Variants in MRAP observed in about 807,000 individuals in gnomAD.
The protein encoded by MRAP is melanocortin 2 receptor accessory protein.
In MRAP, 8 loss-of-function variants were observed where a neutral mutation model predicts 8.7. The ratio of observed to expected loss-of-function variants is 0.92; its 90% CI spans 0.54 to 1.66. The LOEUF (loss-of-function observed/expected upper bound fraction) is 1.66, where lower values mean the gene tolerates loss of function less well. MRAP is among the 40% of genes most tolerant of loss of function. The probability of loss-of-function intolerance (pLI) is 0.00; values close to 1 mark genes in which losing one functional copy is unlikely to be tolerated. For synonymous variants in MRAP, 95 were observed against 95.5 expected (o/e 1.00, Z 0.03); for missense variants, 237 against 217.1 (o/e 1.09, Z -0.58).
chr21:32,300,049 A>G (rs920697203), intron 1 of MRAP, among the ~76,000 whole-genome samples: 1 of 152,204 alleles, frequency 6.6e-6, no homozygotes, highest in South Asian at 2.1e-4. Context: ...CCTATCCCGT[A>G]GGAAGTCTTA....
intron 1 of MRAP, among the ~76,000 whole-genome samples, chr21:32,303,866 G>T (rs2032342004): frequency 6.6e-6 from 1 of 152,158 alleles, no homozygotes; most frequent in African/African-American, 2.4e-5. Flanking sequence ...TGATGAAGGA[G>T]ATTTTAGTAA....
rs537256375 is a variant in MRAP at position 32,300,391 on chromosome 21, G to A, written c.106+1314G>A. On this transcript the variant is annotated intron_variant, in intron 1 of 2. Transcript: ENST00000303645. ...ACACATCCTATGTCAGGGGCGTCAC[G>A]CATCCTATGTCGGATGCATCACGCG... Among the ~76,000 whole-genome samples the A allele has an allele frequency of 9.4e-4, 140 of 148,874 alleles. 1 individual carries two copies. Among genetic ancestry groups the A allele is most frequent in the Middle Eastern group, 3.9e-3 (1 of 258 alleles).
intron 1 of MRAP, among the ~76,000 whole-genome samples, chr21:32,304,962 GTTGTTTTTTT>G (rs1400672317): frequency 5.0e-5 from 5 of 100,356 alleles, no homozygotes; most frequent in Non-Finnish European, 7.9e-5. Flanking sequence ...TGTTTTTTTT[GTTGTTTTTTT>G]TTTTTTTTTT....
chr21:32,311,687 C>A lies in MRAP; in HGVS notation c.210C>A (p.Asn70Lys), dbSNP rs2032576452. ...MSWSASPQMR[N>K]SPKHHQTCPW... is the part of the protein sequence containing the mutation. ...TCCCACTCTGCTCTGTTCACAGGAA[C>A]AGCCCCAAGCACCACCAAACATGCC... Residue 70 changes from asparagine to lysine, a missense_variant, in exon 3 of 3, where the codon AAC (asparagine) becomes AAA (lysine). Transcript: ENST00000303645. 1.9e-6 allele frequency: 3 copies of A among 1,613,800 alleles called. No homozygotes were observed. Among genetic ancestry groups the A allele is most frequent in the Admixed American group, 3.3e-5 (2 of 59,980 alleles).
chr21:32,311,181 T>C (rs1337842218), intron 2 of MRAP: 2 of 159,200 alleles, frequency 1.3e-5, no homozygotes, highest in African/African-American at 4.8e-5. Context: ...TCAGATCTCA[T>C]GAGACTTACT....
chr21:32,304,965 G>GTTTTTTTTTTTTTTT (rs537525538), intron 1 of MRAP, among the ~76,000 whole-genome samples: 11 of 78,096 alleles, frequency 1.4e-4, no homozygotes, highest in African/African-American at 3.3e-4. Context: ...TTTTTTTGTT[G>GTTTTTTTTTTTTTTT]TTTTTTTTTT....
At chr21:32,302,979 C>CTTTTT (rs57692462) in intron 1 of MRAP, among the ~76,000 whole-genome samples, 1,351 of 124,204 alleles carry the variant, frequency 0.011, 71 homozygotes, top group African/African-American at 0.037. Context: ...CCCCAATTCC[C>CTTTTT]TTTTTTTTTT....
At chr21:32,292,502 G>C (rs943383419) in intron 1 of MRAP, among the ~76,000 whole-genome samples, 5 of 152,102 alleles carry the variant, frequency 3.3e-5, no homozygotes, top group African/African-American at 4.8e-5. Context: ...TGTCGTCCAG[G>C]TTGGAATACA....
At chr21:32,300,972 TATC>T (rs57108449) in intron 1 of MRAP, among the ~76,000 whole-genome samples, 13,109 of 148,778 alleles carry the variant, frequency 0.088, 767 homozygotes, top group African/African-American at 0.18. Flanking sequence ...TTCAAAGATG[TATC>T]ATATTTCATA....
chr21:32,301,024 TCA>T (rs1444393181), intron 1 of MRAP, among the ~76,000 whole-genome samples: 1 of 149,294 alleles, frequency 6.7e-6, no homozygotes, highest in Non-Finnish European at 1.5e-5. Context: ...CGCATATGTA[TCA>T]GATATATCAA....
At chr21:32,309,053 C>A (rs1250697178) in intron 2 of MRAP, among the ~76,000 whole-genome samples, 1 of 152,148 alleles carries the variant, frequency 6.6e-6, no homozygotes, top group Non-Finnish European at 1.5e-5. Flanking sequence ...TAACAGAATA[C>A]CTGAGGCTGA....
upstream of MRAP, among the ~76,000 whole-genome samples, chr21:32,298,279 A>T (rs1476652163): frequency 1.3e-5 from 2 of 152,094 alleles, no homozygotes; most frequent in Admixed American, 6.6e-5. Context: ...GTCAGAGATA[A>T]ACAGCCTTTT....
chr21:32,303,839 T>C (rs1481353929), intron 1 of MRAP, among the ~76,000 whole-genome samples: 1 of 152,240 alleles, frequency 6.6e-6, no homozygotes, highest in Non-Finnish European at 1.5e-5. Flanking sequence ...TCTTGCCTAT[T>C]TTTTTTCAAC....
chr21:32,314,491 A>C (rs2032646607), downstream of MRAP: 1 of 1,521,018 alleles, frequency 6.6e-7, no homozygotes, highest in African/African-American at 1.4e-5. Context: ...GCTGAAAAAT[A>C]AACTTTAAAC....
rs538531370 is a variant in MRAP, at chr21:32,302,715, C to T, written c.106+3638C>T. ...CATCACATCCGTGTTCACGGAGCAA[C>T]ATGGAGTAAGGGAATAAGAACGGAC... On this transcript the variant is annotated intron_variant, in intron 1 of 2. Transcript: ENST00000303645. 2.0e-4 allele frequency among the ~76,000 whole-genome samples: 30 copies of T among 152,326 alleles called. No individual in the cohort carries two copies. The East Asian group carries it at 5.8e-3, about 29-fold the overall frequency.
At chr21:32,303,407 A>T (rs1465572529) in intron 1 of MRAP, among the ~76,000 whole-genome samples, 1 of 152,234 alleles carries the variant, frequency 6.6e-6, no homozygotes, top group African/African-American at 2.4e-5. Flanking sequence ...CTTAGATTGG[A>T]TTAATTTGTT....
chr21:32,304,965 G>GTTTTTTTTT (rs537525538), intron 1 of MRAP, among the ~76,000 whole-genome samples: 4 of 78,102 alleles, frequency 5.1e-5, no homozygotes, highest in African/African-American at 1.9e-4. Context: ...TTTTTTTGTT[G>GTTTTTTTTT]TTTTTTTTTT....
At chr21:32,292,642 A>G (rs1001865281) in intron 1 of MRAP, among the ~76,000 whole-genome samples, 1 of 151,938 alleles carries the variant, frequency 6.6e-6, no homozygotes, top group African/African-American at 2.4e-5. Context: ...TTTTTAGTAG[A>G]GACAGGGTTT....
rs1490218873 is a variant in MRAP at position 32,311,912 on chromosome 21, A to C, written c.435A>C (p.Glu145Asp). 2.2e-5 allele frequency: 35 copies of C among 1,613,700 alleles called. No homozygotes were observed. The highest frequency in any genetic ancestry group is 2.7e-5 in the Non-Finnish European group (32 of 1,180,044). Reference protein sequence around the residue: ...GFQTHPTLLWELTLNGGPLVR... With the variant: ...GFQTHPTLLWDLTLNGGPLVR... ...AGACCCACCCCACTCTCCTCTGGGA[A>C]CTGACCCTCAATGGGGGTCCCCTCG... is the stretch of plus-strand genomic sequence containing the variant. The change falls in exon 3 of 3, where the codon GAA (glutamate) becomes GAC (aspartate). Residue 145 changes from glutamate (E) to aspartate (D), a missense_variant. Glu to Asp is a conservative substitution (Grantham distance 45). Transcript: ENST00000303645.
Sources: gnomAD v4.1 joint callset for allele counts (sites outside exome capture counted in the v4.1 genomes callset) on GRCh38, gnomAD v4.1.1 for gene constraint, MANE v1.5 for transcripts, NCBI Gene and HGNC (gene_info 2026-07-23, HGNC 2026-07-21) for gene names.